Variants in RPS19 observed in about 807,000 individuals in gnomAD.
RPS19 encodes the protein ribosomal protein S19, also known as small ribosomal subunit protein eS19.
A neutral mutation model predicts 20.3 loss-of-function variants in RPS19; 1 was observed. The observed-to-expected ratio is 0.05, with a 90% CI of 0.02 to 0.23. The LOEUF (loss-of-function observed/expected upper bound fraction) is 0.23, where lower values mean the gene tolerates loss of function less well. RPS19 is among the 10% of genes least tolerant of loss of function. The pLI, the probability that RPS19 is intolerant of heterozygous loss-of-function variation, is 1.00. For synonymous variants in RPS19, 87 were observed against 74.8 expected (o/e 1.16, Z -0.84); for missense variants, 111 against 192.7 (o/e 0.58, Z 2.51).
Position 41,871,434 on chromosome 19 carries a change from T to G in RPS19, c.*57T>G. ...ATTCGTAATCCTGGTCTGGGTCTCT[T>G]TTTTGAGTCTCTTGCTCTGTCGCCC... On this transcript the variant is annotated 3_prime_UTR_variant, in exon 6 of 6. Transcript: ENST00000598742. 2.7e-6 allele frequency: 4 copies of G among 1,500,702 alleles called. No homozygotes were observed. Among genetic ancestry groups the G allele is most frequent in the Middle Eastern group, 2.1e-4 (1 of 4,808 alleles). 93.0% of individuals were successfully genotyped at this position (1,500,702 alleles called of 1,614,324 possible). A position where few individuals can be genotyped will look rare whatever the true frequency, so the allele number is the denominator to read the frequency against.
chr19:41,869,226 A>T lies in RPS19; in HGVS notation c.356+12A>T. ...AAGGACCAAGATGGGTAAGCAGGGT[A>T]GAGGGGGCTGCATTGATGGAGTAGC... On this transcript the variant is annotated intron_variant, in intron 4 of 5. Coordinates refer to ENST00000598742, the MANE Select transcript of RPS19 (RefSeq NM_001022.4). The T allele has an allele frequency of 6.2e-7, 1 of 1,609,714 alleles. No individual in the cohort carries two copies. Among genetic ancestry groups the T allele is most frequent in the Non-Finnish European group, 8.5e-7 (1 of 1,177,118 alleles).
At chr19:41,861,052 G>A in intron 2 of RPS19, 60 bp from the exon 3 acceptor site, 1 of 1,329,998 alleles carries the variant, frequency 7.5e-7, no homozygotes, top group Non-Finnish European at 1.1e-6. Flanking sequence ...AGGGCATTTG[G>A]GATATGGGGT....
Position 41,862,785 on chromosome 19 carries a change from A to T in RPS19, c.172+1573A>T, listed in dbSNP as rs372710976. Among the ~76,000 whole-genome samples the T allele has an allele frequency of 3.3e-5, 5 of 152,044 alleles. No individual in the cohort carries two copies. In the East Asian group the frequency reaches 7.7e-4, roughly 23 times the overall value. On this transcript the variant is annotated intron_variant, in intron 3 of 5. Coordinates refer to ENST00000598742, the MANE Select transcript of RPS19 (RefSeq NM_001022.4). The stretch of plus-strand genomic sequence containing the variant: ...GCCCTGCCTGGAAACCTCAAGCAGG[A>T]TGTGCATCTTCTGCCTGCCTACTGA...
At chr19:41,860,568 C>T (rs2074017292) in intron 1 of RPS19, 4 of 637,292 alleles carry the variant, frequency 6.3e-6, no homozygotes, top group African/African-American at 1.8e-5. Flanking sequence ...GGGCCGGGCT[C>T]TGTTAGTGCG....
In RPS19 at chr19:41,867,280, A is replaced by G. The variant is rs1340005172; in HGVS notation, c.173-1751A>G. Among the ~76,000 whole-genome samples the G allele has an allele frequency of 3.3e-5, 5 of 151,984 alleles. No homozygotes were observed. The East Asian group carries it at 7.8e-4, about 24-fold the overall frequency. Reference sequence around the variant, plus strand: ...TGCCCTGTCTCCAAAAAAAAAAAAAAGTATAATATTTGCATATATCCTATG... The same window carrying G: ...TGCCCTGTCTCCAAAAAAAAAAAAAGGTATAATATTTGCATATATCCTATG... On this transcript the variant is annotated intron_variant, in intron 3 of 5. Transcript: ENST00000598742.
intron 2 of RPS19, 77 bp from the exon 3 acceptor site, chr19:41,861,035 T>G: frequency 8.3e-7 from 1 of 1,198,984 alleles, no homozygotes; most frequent in East Asian, 2.3e-5. Flanking sequence ...ATAGTTGTGT[T>G]GAGGGGAGGG....
chr19:41,867,074 T>TG (rs1447118923), intron 3 of RPS19, among the ~76,000 whole-genome samples: 31 of 151,546 alleles, frequency 2.0e-4, no homozygotes, highest in African/African-American at 7.0e-4. Flanking sequence ...TCCCAGCACT[T>TG]TGGGAGGCCA....
intron 3 of RPS19, among the ~76,000 whole-genome samples, chr19:41,861,807 C>T (rs782091721): frequency 6.6e-6 from 1 of 152,160 alleles, no homozygotes; most frequent in African/African-American, 2.4e-5. Flanking sequence ...CAGGTCAGTC[C>T]CTGCTTTAAA....
In RPS19 at chr19:41,871,385, C is replaced by T; in HGVS notation, c.*8C>T. ...GCCAACAAGAAGCATTAGAACAAACCATGCTGGGTTAATAAATTGCCTCAT... is the reference window on the plus strand; with the variant it reads ...GCCAACAAGAAGCATTAGAACAAACTATGCTGGGTTAATAAATTGCCTCAT... On this transcript the variant is annotated 3_prime_UTR_variant, in exon 6 of 6. Transcript: ENST00000598742. 6.2e-7 allele frequency: 1 copy of T among 1,613,010 alleles called. No individual in the cohort carries two copies. Among genetic ancestry groups the T allele is most frequent in the Non-Finnish European group, 8.5e-7 (1 of 1,179,080 alleles).
At chr19:41,869,524 A>AG (rs1337182982) in intron 4 of RPS19, 175 bp from the exon 5 acceptor site, 3 of 660,088 alleles carry the variant, frequency 4.5e-6, no homozygotes, top group Non-Finnish European at 5.3e-6. Context: ...GTCAGCTCCC[A>AG]GGGGGGCTCC....
intron 1 of RPS19, 108 bp from the exon 2 acceptor site, chr19:41,860,667 G>GGTA: frequency 4.5e-6 from 4 of 879,448 alleles, no homozygotes; most frequent in Non-Finnish European, 7.8e-6. Flanking sequence ...AGTAACGGGG[G>GGTA]GTACCACGGT....
At chr19:41,861,585 ACT>A (rs1568789548) in intron 3 of RPS19, 3 of 351,584 alleles carry the variant, frequency 8.5e-6, no homozygotes, top group South Asian at 4.7e-5. Context: ...CTGCCTGTGC[ACT>A]CTCTCATCCC....
intron 2 of RPS19, 126 bp downstream of exon 2, chr19:41,860,971 G>A (rs2074023847): frequency 1.8e-6 from 2 of 1,110,354 alleles, no homozygotes; most frequent in South Asian, 2.5e-5. Context: ...TCCTTTCAGC[G>A]TGAGGCCTGG....
chr19:41,861,495 C>G (rs1198131647), intron 3 of RPS19: 4 of 447,736 alleles, frequency 8.9e-6, no homozygotes, highest in Non-Finnish European at 1.7e-5. Context: ...TTAATCCTTT[C>G]TATATACACG....
At chr19:41,869,821 T>A in intron 5 of RPS19, 68 bp downstream of exon 5, 1 of 1,540,166 alleles carries the variant, frequency 6.5e-7, no homozygotes. Context: ...AAGCCCATAC[T>A]TTGTCAGGTA....
intron 3 of RPS19, among the ~76,000 whole-genome samples, chr19:41,865,124 T>TGGG (rs1568792107): frequency 6.6e-6 from 1 of 152,142 alleles, no homozygotes; most frequent in Non-Finnish European, 1.5e-5. Flanking sequence ...AATAGGCCTT[T>TGGG]GGGAGGCCAA....
At chr19:41,870,845 CTTCCTTTTTTTTTTTTT>C (rs1254472278) in intron 5 of RPS19, among the ~76,000 whole-genome samples, 5 of 112,856 alleles carry the variant, frequency 4.4e-5, no homozygotes, top group African/African-American at 1.6e-4. Flanking sequence ...CCGCCACTCC[CTTCCTTTTTTTTTTTTT>C]TTTTTTTTTT....
chr19:41,860,751 C>T (rs781982259), intron 1 of RPS19, 24 bp from the exon 2 acceptor site: 4 of 1,591,194 alleles, frequency 2.5e-6, no homozygotes, highest in Non-Finnish European at 2.6e-6. Flanking sequence ...GGCCTGTGTT[C>T]ACATGCTTGA....
chr19:41,860,445 G>A (rs940963574), intron 1 of RPS19, 156 bp downstream of exon 1: 26 of 374,102 alleles, frequency 6.9e-5, no homozygotes, highest in Non-Finnish European at 1.2e-4. Flanking sequence ...GGACATGCCC[G>A]GTCAGCGCCG....
Sources: allele counts gnomAD v4.1 joint callset (sites outside exome capture counted in the v4.1 genomes callset), GRCh38; gene constraint gnomAD v4.1.1; transcripts MANE v1.5; gene names NCBI Gene and HGNC (gene_info 2026-07-23, HGNC 2026-07-21).